Variants in CMSS1 observed in about 807,000 individuals in gnomAD.
The protein encoded by CMSS1 is protein CMSS1.
In CMSS1, 33 loss-of-function variants were observed where a neutral mutation model predicts 43.5. That is an observed-to-expected ratio of 0.76 (90% confidence interval 0.57 to 1.01). CMSS1 has a LOEUF of 1.01. Ranked by LOEUF, CMSS1 falls within the 50% of genes least tolerant of loss-of-function variation. The pLI, the probability that CMSS1 is intolerant of heterozygous loss-of-function variation, is 0.00. For synonymous variants in CMSS1, 115 were observed against 117.2 expected, an observed-to-expected ratio of 0.98 and a Z score of 0.12; for missense variants, 313 against 326.4, an observed-to-expected ratio of 0.96 and a Z score of 0.32.
At position 100,116,971 on chromosome 3, in the gene CMSS1, G is replaced by T. The variant is rs550783239; in HGVS notation, c.65-30002G>T. Among the ~76,000 whole-genome samples the T allele has an allele frequency of 3.6e-4, 55 of 152,286 alleles. 2 individuals are homozygous for T. In the South Asian group the frequency reaches 0.011, roughly 31 times the overall value. On this transcript the variant is annotated intron_variant, in intron 1 of 9. Coordinates refer to ENST00000421999, the MANE Select transcript of CMSS1 (RefSeq NM_032359.4). ...TTTCATGTTCTTTCTATACCATAAA[G>T]TATCTGTATCTTCATGGCAAGGTAG...
chr3:99,975,535 T>G (rs1708944310), intron 1 of CMSS1, among the ~76,000 whole-genome samples: 1 of 151,356 alleles, frequency 6.6e-6, no homozygotes, highest in South Asian at 2.1e-4. Flanking sequence ...GACGTTGCAG[T>G]GAGCCGAGGT....
At chr3:99,932,054 C>T (rs1707498587) in intron 1 of CMSS1, among the ~76,000 whole-genome samples, 1 of 152,126 alleles carries the variant, frequency 6.6e-6, no homozygotes, top group African/African-American at 2.4e-5. Context: ...GAAACCATAA[C>T]AAACTGCTAT....
chr3:99,900,272 G>A (rs1156815614), intron 1 of CMSS1, among the ~76,000 whole-genome samples: 3 of 152,090 alleles, frequency 2.0e-5, no homozygotes, highest in Admixed American at 6.6e-5. Context: ...CATTGATGAG[G>A]TGCAAAAAAC....
intron 1 of CMSS1, among the ~76,000 whole-genome samples, chr3:99,929,296 A>C (rs1365579596): frequency 2.6e-5 from 4 of 152,210 alleles, no homozygotes; most frequent in African/African-American, 9.6e-5. Context: ...GGTGAGGGAA[A>C]GGTCTTTGCT....
intron 1 of CMSS1, among the ~76,000 whole-genome samples, chr3:100,078,720 A>G (rs1345136291): frequency 6.6e-6 from 1 of 152,074 alleles, no homozygotes; most frequent in Non-Finnish European, 1.5e-5. Flanking sequence ...GCGAAACCCC[A>G]TCTCTACTAA....
At chr3:100,165,690 A>G (rs1170711976) in intron 4 of CMSS1, among the ~76,000 whole-genome samples, 1 of 152,200 alleles carries the variant, frequency 6.6e-6, no homozygotes, top group Non-Finnish European at 1.5e-5. Flanking sequence ...GCACCCTGCT[A>G]TCACAAATAA....
chr3:99,963,632 G>A (rs940050352), intron 1 of CMSS1, among the ~76,000 whole-genome samples: 2 of 150,630 alleles, frequency 1.3e-5, no homozygotes, highest in African/African-American at 4.9e-5. Flanking sequence ...TTTTTTTTTA[G>A]ACGGAGTGTC....
chr3:100,045,856 A>T (rs962737643), intron 1 of CMSS1, among the ~76,000 whole-genome samples: 8 of 152,112 alleles, frequency 5.3e-5, no homozygotes, highest in Non-Finnish European at 1.0e-4. Flanking sequence ...TAATGATCCC[A>T]CTTGGTGGAG....
At chr3:99,986,468 G>A (rs979607376) in intron 1 of CMSS1, among the ~76,000 whole-genome samples, 8 of 152,094 alleles carry the variant, frequency 5.3e-5, no homozygotes, top group African/African-American at 1.2e-4. Flanking sequence ...TACTAGTGAC[G>A]GTTAGTTTTT....
intron 1 of CMSS1, among the ~76,000 whole-genome samples, chr3:99,923,742 A>G (rs1559689568): frequency 6.6e-6 from 1 of 152,038 alleles, no homozygotes; most frequent in East Asian, 1.9e-4. Flanking sequence ...TTTCCCTTTC[A>G]CAATTTTCCA....
In CMSS1 at chr3:99,818,086, G is replaced by C. The variant is rs764011424; in HGVS notation, c.64+43G>C. 5.7e-6 allele frequency: 9 copies of C among 1,582,856 alleles called. No homozygotes were observed. The Admixed American group carries it at 1.3e-4, about 24-fold the overall frequency. On this transcript the variant is annotated intron_variant, in intron 1 of 9. Coordinates refer to ENST00000421999, the MANE Select transcript of CMSS1 (RefSeq NM_032359.4). The stretch of plus-strand genomic sequence containing the variant: ...GCGCTCCTACGGGGCCTCTCCCGGA[G>C]CCCTTCCGTGCGCCTCAGCCCTGGT...
intron 1 of CMSS1, among the ~76,000 whole-genome samples, chr3:99,945,813 T>A (rs557898653): frequency 2.6e-5 from 4 of 152,292 alleles, no homozygotes; most frequent in Admixed American, 2.0e-4. Flanking sequence ...CCAATTTTTT[T>A]AAAAAGAGAA....
chr3:99,899,965 G>T (rs1159058703), intron 1 of CMSS1, among the ~76,000 whole-genome samples: 1 of 152,122 alleles, frequency 6.6e-6, no homozygotes, highest in African/African-American at 2.4e-5. Flanking sequence ...CGGTGTTCTG[G>T]TTCTACTGGA....
intron 1 of CMSS1, chr3:99,850,130 C>A (rs1278812571): frequency 1.2e-6 from 2 of 1,612,040 alleles, no homozygotes; most frequent in Non-Finnish European, 1.7e-6. Context: ...TGTAATTTAT[C>A]TTCAGTTTTC....
At chr3:100,113,572 A>G (rs1019189933) in intron 1 of CMSS1, among the ~76,000 whole-genome samples, 1 of 152,262 alleles carries the variant, frequency 6.6e-6, no homozygotes, top group Non-Finnish European at 1.5e-5. Flanking sequence ...AGTTTCTTCC[A>G]TTAATCTTTC....
chr3:100,029,085 G>C (rs1429917527), intron 1 of CMSS1, among the ~76,000 whole-genome samples: 1 of 151,998 alleles, frequency 6.6e-6, no homozygotes, highest in Non-Finnish European at 1.5e-5. Context: ...AAGCTACCCT[G>C]GGAGCTGAGG....
intron 1 of CMSS1, among the ~76,000 whole-genome samples, chr3:100,017,925 G>A (rs1418975555): frequency 6.6e-6 from 1 of 152,148 alleles, no homozygotes; most frequent in East Asian, 1.9e-4. Flanking sequence ...ATTGCAGATT[G>A]TGGAACTTCT....
chr3:100,140,325 T>C (rs2066794520), intron 1 of CMSS1, among the ~76,000 whole-genome samples: 1 of 152,160 alleles, frequency 6.6e-6, no homozygotes, highest in Non-Finnish European at 1.5e-5. Flanking sequence ...TTTGATGCTT[T>C]TATTTTTAAA....
chr3:99,841,342 A>G (rs1339664455), intron 1 of CMSS1, among the ~76,000 whole-genome samples: 1 of 152,256 alleles, frequency 6.6e-6, no homozygotes, highest in African/African-American at 2.4e-5. Context: ...TTCCATTTCT[A>G]CTATGCCTGT....
Sources: allele counts gnomAD v4.1 joint callset (sites outside exome capture counted in the v4.1 genomes callset), GRCh38; gene constraint gnomAD v4.1.1; transcripts MANE v1.5; gene names NCBI Gene and HGNC (gene_info 2026-07-23, HGNC 2026-07-21).